The following DHRS4L2 variants were observed in gnomAD, a reference collection of about 807,000 sequenced individuals.
DHRS4L2 encodes dehydrogenase/reductase SDR family member 4-like 2.
DHRS4L2 carries 22 observed loss-of-function variants against 23.9 expected under a neutral mutation model. The ratio of observed to expected loss-of-function variants is 0.92; its 90% CI spans 0.66 to 1.31. The LOEUF is 1.31. Among genes scored for constraint, DHRS4L2 ranks in the 40% most tolerant of loss-of-function variants. DHRS4L2 has a pLI of 0.00. For synonymous variants in DHRS4L2, 141 were observed against 123.7 expected, an observed-to-expected ratio of 1.14 and a Z score of -0.93; for missense variants, 385 against 303.3, an observed-to-expected ratio of 1.27 and a Z score of -2.00.
At chr14:23,989,348 T>A (rs1285544751) in intron 1 of DHRS4L2, among the ~76,000 whole-genome samples, 1 of 151,678 alleles carries the variant, frequency 6.6e-6, no homozygotes, top group Non-Finnish European at 1.5e-5. Flanking sequence ...GCTGCCCCAG[T>A]CAACCAGCCT....
rs372560000 is a variant in DHRS4L2, at chr14:23,988,987, C to A, written c.40C>A (p.Arg14=). 5 of 1,611,296 alleles carry A rather than the reference C, an allele frequency of 3.1e-6. No homozygotes were observed. In the Admixed American group the frequency reaches 8.3e-5, roughly 27 times the overall value. ...GCTGCTAGGCCTCTGTGCCTGGGCACGGAAGTCGGTGCGGATGGCCAGCTC... is the reference window on the plus strand; with the variant it reads ...GCTGCTAGGCCTCTGTGCCTGGGCAAGGAAGTCGGTGCGGATGGCCAGCTC... ...ARLLGLCAWA[R]KSVRMASSRM... The change falls in exon 1 of 8, where the codon CGG becomes AGG. Residue 14 remains arginine (R), a synonymous_variant. Coordinates refer to ENST00000335125, the MANE Select transcript of DHRS4L2 (RefSeq NM_198083.4).
chr14:24,000,207 C>T (rs562196435), intron 3 of DHRS4L2, among the ~76,000 whole-genome samples: 2 of 146,634 alleles, frequency 1.4e-5, no homozygotes, highest in African/African-American at 5.3e-5. Flanking sequence ...ACTTCTATCT[C>T]CAATTTTTCT....
chr14:23,998,716 G>A (rs1566499640), intron 3 of DHRS4L2, among the ~76,000 whole-genome samples: 2 of 151,588 alleles, frequency 1.3e-5, no homozygotes, highest in African/African-American at 4.8e-5. Flanking sequence ...AGGGAATGTT[G>A]TGGCTAGTTT....
At chr14:23,987,970 T>C (rs1267204096), upstream of DHRS4L2, among the ~76,000 whole-genome samples, 7 of 151,646 alleles carry the variant, frequency 4.6e-5, no homozygotes, top group African/African-American at 1.7e-4. Flanking sequence ...AAGTGGAGAC[T>C]GAAGTCTTGG....
At chr14:23,995,455 A>T (rs1294903333) in intron 3 of DHRS4L2, among the ~76,000 whole-genome samples, 1 of 151,800 alleles carries the variant, frequency 6.6e-6, no homozygotes, top group Non-Finnish European at 1.5e-5. Context: ...TATGCCAACA[A>T]CTACAACACT....
At chr14:23,973,436 G>C (rs930647833) in intron 1 of DHRS4L2, among the ~76,000 whole-genome samples, 2 of 151,968 alleles carry the variant, frequency 1.3e-5, no homozygotes, top group Non-Finnish European at 2.9e-5. Context: ...GGCTCCCACA[G>C]TGCAGCGGCG....
intron 2 of DHRS4L2, chr14:23,990,876 C>T: frequency 6.1e-6 from 4 of 650,898 alleles, no homozygotes; most frequent in Non-Finnish European, 7.6e-6. Flanking sequence ...AGCAACTTCC[C>T]AAGGTCCCAC....
chr14:23,971,012 C>G (rs59805141), intron 1 of DHRS4L2, among the ~76,000 whole-genome samples: 16,180 of 151,974 alleles, frequency 0.11, 1,153 homozygotes, highest in East Asian at 0.29. Context: ...CATCAAAGAC[C>G]AAAGGTAGAT....
intron 4 of DHRS4L2, 24 bp from the exon 5 acceptor site, chr14:24,001,009 C>T (rs148108526): frequency 0.064 from 103,113 of 1,610,654 alleles, 5,450 homozygotes; most frequent in Middle Eastern, 0.096. Flanking sequence ...ACTGGGAAGA[C>T]GGTCAGCTCT....
chr14:23,976,839 C>A (rs1594452904), intron 1 of DHRS4L2, among the ~76,000 whole-genome samples: 1 of 151,640 alleles, frequency 6.6e-6, no homozygotes, highest in East Asian at 1.9e-4. Flanking sequence ...TCACTTTCAG[C>A]AAAATATCAC....
At chr14:23,976,527 A>G (rs1440183584) in intron 1 of DHRS4L2, among the ~76,000 whole-genome samples, 2 of 151,846 alleles carry the variant, frequency 1.3e-5, no homozygotes, top group Non-Finnish European at 2.9e-5. Context: ...TAGTTCAACC[A>G]TTGTGGAAGA....
At chr14:23,988,827 C>G (rs1392405701), upstream of DHRS4L2, 1 of 1,432,440 alleles carries the variant, frequency 7.0e-7, no homozygotes, top group South Asian at 1.5e-5. Context: ...CAGACGACTC[C>G]CAGCTGGCCG....
chr14:23,989,727 G>A (rs531604696), intron 1 of DHRS4L2, among the ~76,000 whole-genome samples: 5 of 151,886 alleles, frequency 3.3e-5, no homozygotes, highest in South Asian at 4.2e-4. Context: ...CAATATTTAC[G>A]TTTTTGACCA....
chr14:23,988,261 G>A (rs911898020), upstream of DHRS4L2, among the ~76,000 whole-genome samples: 2 of 149,584 alleles, frequency 1.3e-5, no homozygotes, highest in South Asian at 2.2e-4. Flanking sequence ...CAGCCTCCTC[G>A]CTACCACTTA....
At chr14:23,992,716 C>T (rs138635911) in intron 2 of DHRS4L2, among the ~76,000 whole-genome samples, 94 of 151,098 alleles carry the variant, frequency 6.2e-4, no homozygotes, top group African/African-American at 1.9e-3. Flanking sequence ...GACAGTGCCT[C>T]ATTCTGTTGC....
intron 1 of DHRS4L2, among the ~76,000 whole-genome samples, chr14:23,978,078 C>T (rs1283649033): frequency 6.6e-6 from 1 of 151,528 alleles, no homozygotes; most frequent in Non-Finnish European, 1.5e-5. Flanking sequence ...ATAAACACTC[C>T]TTAAATTCAA....
Position 24,006,269 on chromosome 14 carries a change from A to G in DHRS4L2, c.*406A>G, listed in dbSNP as rs2034577624. 3 of 485,942 alleles carry G rather than the reference A, an allele frequency of 6.2e-6. No individual in the cohort carries two copies. Among genetic ancestry groups the G allele is most frequent in the Non-Finnish European group, 3.3e-6 (1 of 301,554 alleles). 30.1% of individuals were successfully genotyped at this position (485,942 alleles called of 1,614,324 possible). On this transcript the variant is annotated 3_prime_UTR_variant, in exon 8 of 8. Coordinates refer to ENST00000335125, the MANE Select transcript of DHRS4L2 (RefSeq NM_198083.4). ...TGAGTCTACCTTGGCAAAGACCAAG[A>G]TATTTTTTCCTGGGCCACTGGGGAA...
intron 3 of DHRS4L2, among the ~76,000 whole-genome samples, chr14:23,996,936 G>T (rs1346932895): frequency 1.3e-5 from 2 of 151,902 alleles, no homozygotes; most frequent in African/African-American, 4.8e-5. Flanking sequence ...CACACAGCCA[G>T]ATTCTGATAG....
At chr14:24,001,325 T>C in intron 5 of DHRS4L2, 59 bp from the exon 6 acceptor site, 1 of 1,583,824 alleles carries the variant, frequency 6.3e-7, no homozygotes, top group East Asian at 2.3e-5. Context: ...TATGTCTAGT[T>C]ATTAGAACCA....
Sources: gnomAD v4.1 joint callset for allele counts (sites outside exome capture counted in the v4.1 genomes callset) on GRCh38, gnomAD v4.1.1 for gene constraint, MANE v1.5 for transcripts, NCBI Gene and HGNC (gene_info 2026-07-23, HGNC 2026-07-21) for gene names.